ADARB2: variants seen among roughly 807,000 people sequenced by gnomAD.
ADARB2 encodes the protein adenosine deaminase RNA specific B2 (inactive).
In ADARB2, 25 loss-of-function variants were observed where a neutral mutation model predicts 62.2. That is an observed-to-expected ratio of 0.40 (90% CI 0.29 to 0.56). The LOEUF is 0.56. Among genes scored for constraint, ADARB2 ranks in the 20% least tolerant of loss-of-function variants. The pLI is 0.43. For synonymous variants in ADARB2, 572 were observed against 500.8 expected, an observed-to-expected ratio of 1.14 and a Z score of -1.90; for missense variants, 1,071 against 1,077.4, an observed-to-expected ratio of 0.99 and a Z score of 0.08.
At chr10:1,260,306 A>G (rs1033013632) in intron 4 of ADARB2, among the ~76,000 whole-genome samples, 4 of 152,202 alleles carry the variant, frequency 2.6e-5, no homozygotes, top group Admixed American at 6.5e-5. Context: ...GGCCAGGGCA[A>G]TCAGGCAGGA....
At chr10:1,441,461 T>C (rs552196108) in intron 1 of ADARB2, among the ~76,000 whole-genome samples, 2 of 152,232 alleles carry the variant, frequency 1.3e-5, no homozygotes, top group Non-Finnish European at 2.9e-5. Context: ...ATTGTTTACA[T>C]ATGATTATTT....
chr10:1,293,711 T>C (rs1831498802), intron 3 of ADARB2, among the ~76,000 whole-genome samples: 1 of 152,244 alleles, frequency 6.6e-6, no homozygotes, highest in Admixed American at 6.5e-5. Flanking sequence ...TCATCTCTTT[T>C]TGTTTTGTTT....
rs1000692739 is a variant in ADARB2 at position 1,661,847 on chromosome 10, C to G, written c.100+75204G>C. Among the ~76,000 whole-genome samples the G allele has an allele frequency of 1.6e-4, 24 of 152,208 alleles. 1 individual carries two copies. The highest frequency in any genetic ancestry group is 4.4e-5 in the Non-Finnish European group (3 of 68,036). ...AAAGGGACGGGGAGAATCAGGCACT[C>G]AAGTCTCTGGGCAGCTTCACCGTCT... On this transcript the variant is annotated intron_variant, in intron 1 of 9. Transcript: ENST00000381312.
At chr10:1,282,752 C>T (rs1316008697) in intron 3 of ADARB2, among the ~76,000 whole-genome samples, 2 of 152,218 alleles carry the variant, frequency 1.3e-5, no homozygotes, top group African/African-American at 4.8e-5. Context: ...ATGCAAATTA[C>T]AGAATATGCT....
At chr10:1,240,753 G>C (rs761939307) in intron 5 of ADARB2, among the ~76,000 whole-genome samples, 13 of 152,368 alleles carry the variant, frequency 8.5e-5, no homozygotes, top group Non-Finnish European at 1.5e-4. Context: ...CATGTAACCA[G>C]CTCCTGGTAA....
rs1432822416 is a variant in ADARB2, at chr10:1,666,813, G to A, written c.100+70238C>T. ...AGACTCGAGATGGCCAATGTTTAACGGCATCAGCTTTGACCAGCACAGTTG... is the reference window on the plus strand; with the variant it reads ...AGACTCGAGATGGCCAATGTTTAACAGCATCAGCTTTGACCAGCACAGTTG... On this transcript the variant is annotated intron_variant, in intron 1 of 9. Transcript: ENST00000381312. Among the ~76,000 whole-genome samples, 11 of 152,228 alleles carry A rather than the reference G, an allele frequency of 7.2e-5. 1 individual carries two copies. In the South Asian group the frequency reaches 1.0e-3, roughly 14 times the overall value.
At chr10:1,597,294 A>G (rs1225918971) in intron 1 of ADARB2, among the ~76,000 whole-genome samples, 1 of 152,234 alleles carries the variant, frequency 6.6e-6, no homozygotes, top group Non-Finnish European at 1.5e-5. Context: ...TATGATTTTT[A>G]TCATCTTTAA....
intron 1 of ADARB2, among the ~76,000 whole-genome samples, chr10:1,382,823 CGGCTG>C (rs1289262987): frequency 2.0e-5 from 3 of 151,842 alleles, no homozygotes; most frequent in African/African-American, 4.8e-5. Flanking sequence ...CTAGAAGAGG[CGGCTG>C]GGCTGGCCAG....
At chr10:1,345,145 G>A (rs952716739) in intron 3 of ADARB2, among the ~76,000 whole-genome samples, 1 of 152,100 alleles carries the variant, frequency 6.6e-6, no homozygotes, top group Non-Finnish European at 1.5e-5. Flanking sequence ...CCTGGGGGGT[G>A]AGGATGCTTC....
intron 1 of ADARB2, among the ~76,000 whole-genome samples, chr10:1,637,021 A>C (rs950244214): frequency 6.6e-6 from 1 of 151,708 alleles, no homozygotes; most frequent in Non-Finnish European, 1.5e-5. Flanking sequence ...TTTTTTCTGA[A>C]AAGTGCCCTC....
chr10:1,728,980 A>T (rs373625013), intron 1 of ADARB2, among the ~76,000 whole-genome samples: 7 of 152,218 alleles, frequency 4.6e-5, no homozygotes, highest in African/African-American at 1.7e-4. Flanking sequence ...TCCAACAATG[A>T]TGTTTATCTC....
At chr10:1,602,928 T>A (rs1234391700) in intron 1 of ADARB2, among the ~76,000 whole-genome samples, 1 of 151,310 alleles carries the variant, frequency 6.6e-6, no homozygotes, top group Non-Finnish European at 1.5e-5. Context: ...TATACATAGA[T>A]GCACATCATG....
chr10:1,456,226 T>C (rs755119077), intron 1 of ADARB2, among the ~76,000 whole-genome samples: 19 of 152,192 alleles, frequency 1.2e-4, no homozygotes, highest in Non-Finnish European at 1.5e-4. Context: ...CGGAAACCAC[T>C]GTAATTCCTT....
intron 4 of ADARB2, among the ~76,000 whole-genome samples, chr10:1,251,242 A>C (rs966760072): frequency 3.9e-5 from 6 of 152,254 alleles, no homozygotes; most frequent in African/African-American, 1.4e-4. Context: ...AATATTACTC[A>C]GCACTAAAAA....
At chr10:1,433,398 T>A (rs1429531371) in intron 1 of ADARB2, among the ~76,000 whole-genome samples, 1 of 152,052 alleles carries the variant, frequency 6.6e-6, no homozygotes, top group Admixed American at 6.6e-5. Context: ...CAGGGAAGAA[T>A]AGGAAAAGGC....
intron 1 of ADARB2, among the ~76,000 whole-genome samples, chr10:1,598,145 A>G (rs1326982327): frequency 6.6e-6 from 1 of 152,224 alleles, no homozygotes; most frequent in Non-Finnish European, 1.5e-5. Flanking sequence ...TGGGGGCATG[A>G]GCTGAAATGT....
At chr10:1,308,469 C>CT (rs1831653230) in intron 3 of ADARB2, among the ~76,000 whole-genome samples, 1 of 152,124 alleles carries the variant, frequency 6.6e-6, no homozygotes, top group African/African-American at 2.4e-5. Flanking sequence ...ATCCATGTGC[C>CT]TTTTTTCTGT....
intron 8 of ADARB2, among the ~76,000 whole-genome samples, chr10:1,192,942 CAAAA>C (rs1041619935): frequency 2.0e-5 from 3 of 152,310 alleles, no homozygotes; most frequent in East Asian, 3.9e-4. Flanking sequence ...GACTCCGTCT[CAAAA>C]GAAAGAAAAT....
intron 1 of ADARB2, among the ~76,000 whole-genome samples, chr10:1,446,114 A>G (rs995876663): frequency 6.6e-6 from 1 of 152,218 alleles, no homozygotes; most frequent in Non-Finnish European, 1.5e-5. Context: ...TTGCGTTGTC[A>G]TGGACCAGGA....
Sources: gnomAD v4.1 joint callset for allele counts (sites outside exome capture counted in the v4.1 genomes callset) on GRCh38, gnomAD v4.1.1 for gene constraint, MANE v1.5 for transcripts, NCBI Gene and HGNC (gene_info 2026-07-23, HGNC 2026-07-21) for gene names.